Variants in LINGO2 observed in about 807,000 individuals in gnomAD.
LINGO2 encodes leucine rich repeat and Ig domain containing 2.
In LINGO2, 14 loss-of-function variants were observed where a neutral mutation model predicts 30.6. That is an observed-to-expected ratio of 0.46 (90% CI 0.30 to 0.72). The LOEUF (loss-of-function observed/expected upper bound fraction) is 0.72, where lower values mean the gene tolerates loss of function less well. Among genes scored for constraint, LINGO2 ranks in the 30% least tolerant of loss-of-function variants. The pLI is 0.07. For missense variants in LINGO2, 729 were observed against 751.7 expected (o/e 0.97, Z 0.35); for synonymous variants, 317 against 288.5 (o/e 1.10, Z -1.00).
At chr9:29,164,921 T>G in the LINGO2 span, among the ~76,000 whole-genome samples, 1 of 152,160 alleles carries the variant, frequency 6.6e-6, no homozygotes, top group African/African-American at 2.4e-5. Context: ...TTAATCAATA[T>G]TATCTATTGC....
chr9:28,047,973 A>G (rs1395414778), intron 4 of LINGO2, among the ~76,000 whole-genome samples: 3 of 150,530 alleles, frequency 2.0e-5, no homozygotes, highest in African/African-American at 4.9e-5. Flanking sequence ...CACAAAAAAT[A>G]TGAAAAGTGT....
At chr9:28,947,289 G>A in the LINGO2 span, among the ~76,000 whole-genome samples, 1 of 151,896 alleles carries the variant, frequency 6.6e-6, no homozygotes, top group African/African-American at 2.4e-5. Context: ...AAAAAATAGT[G>A]GCTTATATTT....
At chr9:28,684,652 G>T in the LINGO2 span, among the ~76,000 whole-genome samples, 1 of 151,652 alleles carries the variant, frequency 6.6e-6, no homozygotes, top group African/African-American at 2.4e-5. Flanking sequence ...CCAAGTAGCT[G>T]GGACCACAAG....
chr9:27,981,605 G>C (rs901234704), intron 5 of LINGO2, among the ~76,000 whole-genome samples: 1 of 121,678 alleles, frequency 8.2e-6, no homozygotes, highest in African/African-American at 2.7e-5. Flanking sequence ...TATACCAGCA[G>C]TTCAGGAACT....
the LINGO2 span, among the ~76,000 whole-genome samples, chr9:28,680,472 T>G: frequency 6.6e-6 from 1 of 152,140 alleles, no homozygotes; most frequent in Non-Finnish European, 1.5e-5. Flanking sequence ...TTGGGATATA[T>G]ACCCAGTAGT....
chr9:29,190,032 GGAGGGA>G, the LINGO2 span, among the ~76,000 whole-genome samples: 7 of 126,512 alleles, frequency 5.5e-5, no homozygotes, highest in Non-Finnish European at 1.0e-4. Context: ...CCGTGGGGAG[GGAGGGA>G]GAGGGAGAGG....
At chr9:29,053,639 T>C in the LINGO2 span, among the ~76,000 whole-genome samples, 1 of 152,212 alleles carries the variant, frequency 6.6e-6, no homozygotes, top group African/African-American at 2.4e-5. Context: ...CACACATCAC[T>C]TTCTTTAATT....
At chr9:28,883,410 C>G in the LINGO2 span, among the ~76,000 whole-genome samples, 1 of 151,286 alleles carries the variant, frequency 6.6e-6, no homozygotes, top group African/African-American at 2.4e-5. Context: ...TTCCTTCTGC[C>G]TAGAACATTC....
At chr9:28,990,574 G>C in the LINGO2 span, among the ~76,000 whole-genome samples, 1 of 152,174 alleles carries the variant, frequency 6.6e-6, no homozygotes, top group Non-Finnish European at 1.5e-5. Flanking sequence ...CCTGACCCCT[G>C]ACCCCTGAGC....
the LINGO2 span, among the ~76,000 whole-genome samples, chr9:29,196,697 A>G: frequency 6.6e-6 from 1 of 152,112 alleles, no homozygotes; most frequent in Non-Finnish European, 1.5e-5. Flanking sequence ...AAAGTAACTA[A>G]TTAAAAAGCA....
chr9:28,389,382 C>T (rs1821732514), intron 2 of LINGO2, among the ~76,000 whole-genome samples: 1 of 152,048 alleles, frequency 6.6e-6, no homozygotes, highest in Admixed American at 6.6e-5. Context: ...GATTTCTAAC[C>T]ACAGATTGGA....
exon 6 of LINGO2, chr9:27,949,816 T>G (rs772749847): frequency 6.2e-7 from 1 of 1,614,094 alleles, no homozygotes; most frequent in Non-Finnish European, 8.5e-7. Flanking sequence ...TCAATAGTGC[T>G]GATGGGATTG....
chr9:28,038,091 T>C (rs1044685281), intron 4 of LINGO2, among the ~76,000 whole-genome samples: 5 of 152,236 alleles, frequency 3.3e-5, no homozygotes, highest in African/African-American at 1.2e-4. Context: ...TTTATGAAAG[T>C]TGGCTCTTCT....
chr9:28,946,335 G>A, the LINGO2 span, among the ~76,000 whole-genome samples: 5 of 152,120 alleles, frequency 3.3e-5, no homozygotes, highest in Non-Finnish European at 5.9e-5. Flanking sequence ...AAATCAATCC[G>A]AAGCTGGACA....
chr9:29,142,979 C>T, the LINGO2 span, among the ~76,000 whole-genome samples: 1 of 151,812 alleles, frequency 6.6e-6, no homozygotes, highest in Non-Finnish European at 1.5e-5. Flanking sequence ...ATTAAAAAAT[C>T]AGTGGAATTT....
chr9:28,681,557 G>A, the LINGO2 span, among the ~76,000 whole-genome samples: 1 of 152,066 alleles, frequency 6.6e-6, no homozygotes, highest in African/African-American at 2.4e-5. Flanking sequence ...TAAGGAAAAA[G>A]GGATATGGGA....
At position 28,399,799 on chromosome 9, in the gene LINGO2, T is replaced by C. The variant is rs147487666; in HGVS notation, c.-278-26931A>G. ...AATTATGGGATTTGATTTACAGATGTTTAATGTTCATTCTATTTTCAGTTC... is the reference window on the plus strand; with the variant it reads ...AATTATGGGATTTGATTTACAGATGCTTAATGTTCATTCTATTTTCAGTTC... On this transcript the variant is annotated intron_variant, in intron 2 of 5. Coordinates refer to ENST00000379992, the Ensembl canonical transcript of LINGO2. 6.0e-4 allele frequency among the ~76,000 whole-genome samples: 92 copies of C among 152,308 alleles called. No individual in the cohort carries two copies. The East Asian group carries it at 0.016, about 27-fold the overall frequency.
rs1232862406 is a variant in LINGO2 at position 28,652,117 on chromosome 9, A to C, written c.-365+18083T>G. Among the ~76,000 whole-genome samples the C allele has an allele frequency of 2.0e-5, 3 of 151,974 alleles. No individual in the cohort carries two copies. In the East Asian group the frequency reaches 5.8e-4, roughly 29 times the overall value. On this transcript the variant is annotated intron_variant, in intron 1 of 5. Transcript: ENST00000379992. ...TAATTTCTGCATATGCCTTTTTTCT[A>C]TTCTATAAGCACAAGGACATGTTTC...
the LINGO2 span, among the ~76,000 whole-genome samples, chr9:28,890,472 A>G: frequency 2.0e-3 from 309 of 152,212 alleles, 1 homozygote; most frequent in Non-Finnish European, 3.0e-3. Flanking sequence ...GAATGCCACA[A>G]TGAATACAGC....
Sources: gnomAD v4.1 joint callset for allele counts (sites outside exome capture counted in the v4.1 genomes callset) on GRCh38, gnomAD v4.1.1 for gene constraint, MANE v1.5 for transcripts, NCBI Gene and HGNC (gene_info 2026-07-23, HGNC 2026-07-21) for gene names.